MYO7A: variants seen among roughly 807,000 people sequenced by gnomAD.
MYO7A encodes the protein myosin VIIA.
In MYO7A, 210 loss-of-function variants were observed where a neutral mutation model predicts 263.8. That is an observed-to-expected ratio of 0.80 (90% CI 0.71 to 0.89). The LOEUF (loss-of-function observed/expected upper bound fraction) is 0.89. Ranked by LOEUF, MYO7A falls within the 40% of genes least tolerant of loss-of-function variation. MYO7A has a pLI of 0.00. For missense variants in MYO7A, 2,820 were observed against 2,968.3 expected, an observed-to-expected ratio of 0.95 and a Z score of 1.16; for synonymous variants, 1,239 against 1,197.3, an observed-to-expected ratio of 1.03 and a Z score of -0.72.
intron 18 of MYO7A, among the ~76,000 whole-genome samples, chr11:77,176,021 G>C (rs2135436057): frequency 6.6e-6 from 1 of 152,344 alleles, no homozygotes; most frequent in East Asian, 1.9e-4. Context: ...ATGGCTGGGA[G>C]CTGGCAGTGG....
rs536037388 is a variant in MYO7A, at chr11:77,142,593, C to T, written c.19-116C>T. The T allele has an allele frequency of 1.5e-5, 13 of 863,622 alleles. No homozygotes were observed. The African/African-American group carries it at 1.5e-4, about 10-fold the overall frequency. The allele number at this position is 863,622 out of a possible 1,614,324, so 53.5% of individuals were successfully genotyped here. A position where few individuals can be genotyped will look rare whatever the true frequency, so the allele number is the denominator to read the frequency against. ...AGTAAGTGTGAGTCCCCTTCTCTTC[C>T]CCCTTGTGTGGTTGGCTCAGAGCCT... On this transcript the variant is annotated intron_variant, in intron 2 of 48. Transcript: ENST00000409709.
At chr11:77,201,315 G>A in intron 35 of MYO7A, 133 bp from the exon 36 acceptor site, 1 of 859,170 alleles carries the variant, frequency 1.2e-6, no homozygotes, top group Non-Finnish European at 1.8e-6. Context: ...TCTCTGTATG[G>A]AGAGTTGTGA....
rs1565493965 is a variant in MYO7A, at chr11:77,213,036, G to GTA, written c.6438+2_6438+3insAT. 1.3e-6 allele frequency: 2 copies of GTA among 1,570,454 alleles called. No homozygotes were observed. Among genetic ancestry groups the GTA allele is most frequent in the East Asian group, 4.7e-5 (2 of 42,678 alleles). On this transcript the variant is annotated splice_donor_variant, in intron 47 of 48. Coordinates refer to ENST00000409709, the MANE Select transcript of MYO7A (RefSeq NM_000260.4). LOFTEE classifies it high-confidence loss of function. ...CAGCCTCATCGATCCCAAAACGAAG[G>GTA]TGAGCAGGGATAAGGCAGCAAGTGG...
chr11:77,147,536 G>C (rs1191345279), intron 3 of MYO7A, among the ~76,000 whole-genome samples: 1 of 152,156 alleles, frequency 6.6e-6, no homozygotes, highest in Non-Finnish European at 1.5e-5. Flanking sequence ...ACAACAGTCA[G>C]ATGGGGCCAA....
In MYO7A at chr11:77,174,854, C is replaced by T. The variant is rs782519043; in HGVS notation, c.2034C>T (p.Phe678=). Residue 678 remains phenylalanine (F), a synonymous_variant, in exon 17 of 49, where the codon TTC becomes TTT. Coordinates refer to ENST00000409709, the MANE Select transcript of MYO7A (RefSeq NM_000260.4). The part of the protein sequence containing the change: ...RRAGYPIRYS[F]VEFVERYRVL... ...CTGGCTACCCCATCCGCTACAGCTT[C>T]GTAGAGTTTGTGGAGCGGTACCGTG... 2.5e-5 allele frequency: 41 copies of T among 1,613,610 alleles called. No individual in the cohort carries two copies. Among genetic ancestry groups the T allele is most frequent in the Middle Eastern group, 3.3e-4 (2 of 6,084 alleles).
chr11:77,195,456 C>T (rs954502478), intron 32 of MYO7A, among the ~76,000 whole-genome samples: 1 of 152,244 alleles, frequency 6.6e-6, no homozygotes, highest in Non-Finnish European at 1.5e-5. Context: ...AGCTAACTCC[C>T]AAACAGCTGC....
chr11:77,191,077 T>C (rs1956032597), intron 30 of MYO7A: 1 of 505,780 alleles, frequency 2.0e-6, no homozygotes, highest in Non-Finnish European at 3.4e-6. Context: ...ATCCCAGCAC[T>C]TTGGGAGGCT....
At chr11:77,148,009 T>G (rs1483615045) in intron 4 of MYO7A, 59 bp downstream of exon 4, 22 of 1,210,082 alleles carry the variant, frequency 1.8e-5, no homozygotes, top group African/African-American at 3.0e-5. Context: ...CCCGCCCACC[T>G]CGCCCCACCC....
At chr11:77,163,639 T>G (rs574407253) in intron 14 of MYO7A, among the ~76,000 whole-genome samples, 53 of 152,198 alleles carry the variant, frequency 3.5e-4, no homozygotes, top group Non-Finnish European at 2.9e-4. Flanking sequence ...GTATCTGCAG[T>G]TGGCTGAGAT....
At position 77,184,725 on chromosome 11, in the gene MYO7A, G is replaced by A. The variant is rs782049232; in HGVS notation, c.3503+10G>A. 29 of 1,595,758 alleles carry A rather than the reference G, an allele frequency of 1.8e-5. No homozygotes were observed. The highest frequency in any genetic ancestry group is 4.5e-5 in the East Asian group (2 of 44,322). ...TGCGGCCAGCACTCCGGTCAGTGCC[G>A]GGAGGCGGGGACACCAGGGCCTGAA... On this transcript the variant is annotated intron_variant, in intron 27 of 48. Transcript: ENST00000409709.
intron 37 of MYO7A, 49 bp from the exon 38 acceptor site, chr11:77,203,011 C>T (rs938838675): frequency 1.4e-5 from 22 of 1,537,166 alleles, no homozygotes; most frequent in African/African-American, 1.4e-4. Flanking sequence ...GGTTTCTCCC[C>T]GGGGCTGCCA....
At chr11:77,159,586 C>T in intron 10 of MYO7A, 63 bp downstream of exon 10, 1 of 1,528,228 alleles carries the variant, frequency 6.5e-7, no homozygotes, top group African/African-American at 1.4e-5. Flanking sequence ...AGTTTAAGCT[C>T]ATTGGGGGCT....
In MYO7A at chr11:77,154,667, G is replaced by A. The variant is rs559684453; in HGVS notation, c.286-1240G>A. On this transcript the variant is annotated intron_variant, in intron 4 of 48. Transcript: ENST00000409709. ...TCTTCCTGCTTGGCTCTTGTGGTAC[G>A]GTTAGTAGGTCAGCACAGTGAGGCT... 6.8e-5 allele frequency among the ~76,000 whole-genome samples: 10 copies of A among 147,568 alleles called. No individual in the cohort carries two copies. In the South Asian group the frequency reaches 1.1e-3, roughly 16 times the overall value.
intron 17 of MYO7A, 76 bp from the exon 18 acceptor site, chr11:77,175,296 C>G (rs2135429121): frequency 7.3e-7 from 1 of 1,369,628 alleles, no homozygotes; most frequent in South Asian, 1.2e-5. Context: ...CCCTGCCTCT[C>G]AGCCTCGGGG....
At chr11:77,161,202 A>T in intron 12 of MYO7A, 87 bp downstream of exon 12, 1 of 1,529,506 alleles carries the variant, frequency 6.5e-7, no homozygotes, top group Non-Finnish European at 8.9e-7. Context: ...AAGCACATTT[A>T]GTTGGCTCCT....
intron 7 of MYO7A, 41 bp from the exon 8 acceptor site, chr11:77,157,238 C>G: frequency 6.6e-7 from 1 of 1,515,354 alleles, no homozygotes; most frequent in Non-Finnish European, 9.1e-7. Flanking sequence ...CCTCCTCTGG[C>G]CCTCCTCCCC....
chr11:77,135,956 C>T (rs1950892116), intron 2 of MYO7A, among the ~76,000 whole-genome samples: 1 of 152,184 alleles, frequency 6.6e-6, no homozygotes, highest in Non-Finnish European at 1.5e-5. Flanking sequence ...CTCACTCTGT[C>T]ACCCAGGCTG....
rs2135568993 is a variant in MYO7A, at chr11:77,138,682, A to AT, written c.19-4024dup. Among the ~76,000 whole-genome samples the AT allele has an allele frequency of 6.6e-6, 1 of 152,272 alleles. No homozygotes were observed. Among genetic ancestry groups the AT allele is most frequent in the African/African-American group, 2.4e-5 (1 of 41,558 alleles). On this transcript the variant is annotated intron_variant, in intron 2 of 48. Transcript: ENST00000409709. The surrounding 1 kb of genome is among the most constrained non-coding windows in gnomAD (Gnocchi z 4.9). ...CCAGGTCTGGGCGGGGGTGTCCTGC[A>AT]TTTGCTGAGATCCAGAGCAGGGAGC...
At chr11:77,194,715 G>C (rs1449218757) in intron 32 of MYO7A, among the ~76,000 whole-genome samples, 191 bp downstream of exon 32, 1 of 152,208 alleles carries the variant, frequency 6.6e-6, no homozygotes, top group East Asian at 1.9e-4. Flanking sequence ...GAGGGAATCA[G>C]ACTTAACCTT....
Sources: allele counts gnomAD v4.1 joint callset (sites outside exome capture counted in the v4.1 genomes callset), GRCh38; gene constraint gnomAD v4.1.1; non-coding constraint Gnocchi (gnomAD v3.1); transcripts MANE v1.5; gene names NCBI Gene and HGNC (gene_info 2026-07-23, HGNC 2026-07-21).